The following KDM4C variants were observed in gnomAD, a reference collection of about 807,000 sequenced individuals.
KDM4C encodes lysine-specific demethylase 4C.
Under a neutral mutation model 129.3 loss-of-function variants are expected in KDM4C, and 81 were observed. That is an observed-to-expected ratio of 0.63 (90% CI 0.52 to 0.75). KDM4C has a LOEUF of 0.75. Among genes scored for constraint, KDM4C ranks in the 30% least tolerant of loss-of-function variants. The pLI is 0.00. For synonymous variants in KDM4C, 573 were observed against 456.1 expected, an observed-to-expected ratio of 1.26 and a Z score of -3.26; for missense variants, 1,457 against 1,304.0, an observed-to-expected ratio of 1.12 and a Z score of -1.81.
intron 19 of KDM4C, among the ~76,000 whole-genome samples, chr9:7,137,745 G>C (rs1237580472): frequency 6.6e-6 from 1 of 152,186 alleles, no homozygotes; most frequent in African/African-American, 2.4e-5. Context: ...CTGTTTACAA[G>C]CCATTATCTT....
At chr9:7,113,513 A>G (rs1165356100) in intron 18 of KDM4C, among the ~76,000 whole-genome samples, 3 of 152,118 alleles carry the variant, frequency 2.0e-5, no homozygotes, top group East Asian at 1.9e-4. Flanking sequence ...TGCCATTTCC[A>G]TAGGAAGGGC....
chr9:7,027,206 G>T (rs1825954253), intron 15 of KDM4C, among the ~76,000 whole-genome samples: 1 of 152,148 alleles, frequency 6.6e-6, no homozygotes, highest in African/African-American at 2.4e-5. Context: ...TCCAAGCCTA[G>T]GCTGGTTTTT....
At chr9:6,970,131 C>T (rs532490584) in intron 8 of KDM4C, among the ~76,000 whole-genome samples, 3 of 152,292 alleles carry the variant, frequency 2.0e-5, no homozygotes, top group East Asian at 1.9e-4. Context: ...AGAAAGCATC[C>T]TAACGAAGAG....
At chr9:6,785,773 G>T (rs1425537451) in intron 1 of KDM4C, among the ~76,000 whole-genome samples, 1 of 152,218 alleles carries the variant, frequency 6.6e-6, no homozygotes, top group East Asian at 1.9e-4. Context: ...TGGGGGTTAG[G>T]TTTCAGCGTG....
At chr9:6,977,947 T>G (rs528238870) in intron 8 of KDM4C, among the ~76,000 whole-genome samples, 30 of 152,318 alleles carry the variant, frequency 2.0e-4, no homozygotes, top group African/African-American at 7.0e-4. Flanking sequence ...TTCCACTTTT[T>G]CAGTAAGGCA....
intron 2 of KDM4C, among the ~76,000 whole-genome samples, chr9:6,797,034 G>T (rs1166472216): frequency 6.6e-6 from 1 of 151,700 alleles, no homozygotes; most frequent in Non-Finnish European, 1.5e-5. Context: ...TGTTAGGCTG[G>T]GTGGTGTGAT....
intron 19 of KDM4C, among the ~76,000 whole-genome samples, chr9:7,143,627 C>T (rs1208450142): frequency 6.6e-6 from 1 of 152,156 alleles, no homozygotes; most frequent in Non-Finnish European, 1.5e-5. Context: ...TTTTCATTCT[C>T]CTTGCCTGGG....
At chr9:7,147,009 T>A (rs749471292) in intron 19 of KDM4C, among the ~76,000 whole-genome samples, 12 of 152,252 alleles carry the variant, frequency 7.9e-5, no homozygotes, top group Non-Finnish European at 1.3e-4. Flanking sequence ...GAATTAAATC[T>A]AGATGTGATT....
chr9:6,939,559 T>G (rs928290022), intron 8 of KDM4C, among the ~76,000 whole-genome samples: 1 of 152,170 alleles, frequency 6.6e-6, no homozygotes, highest in African/African-American at 2.4e-5. Flanking sequence ...ACCACTGCCT[T>G]AAAGCATGCT....
intron 17 of KDM4C, among the ~76,000 whole-genome samples, chr9:7,060,647 A>T (rs1317431928): frequency 6.6e-6 from 1 of 151,688 alleles, no homozygotes; most frequent in Non-Finnish European, 1.5e-5. Context: ...ATGCCCAGCT[A>T]ATTTTTGTGT....
intron 15 of KDM4C, among the ~76,000 whole-genome samples, chr9:7,034,843 T>C (rs964851571): frequency 6.6e-6 from 1 of 152,244 alleles, no homozygotes; most frequent in Non-Finnish European, 1.5e-5. Context: ...TATTTGTTAC[T>C]TTTTGTCATT....
At chr9:6,771,267 G>T (rs17508851) in intron 1 of KDM4C, among the ~76,000 whole-genome samples, 34,178 of 150,606 alleles carry the variant, frequency 0.23, 4,325 homozygotes, top group Non-Finnish European at 0.29. Context: ...GAAAGTTTGC[G>T]TATTAAATTG....
intron 1 of KDM4C, among the ~76,000 whole-genome samples, chr9:6,767,748 T>C (rs1308839715): frequency 2.0e-5 from 3 of 152,208 alleles, no homozygotes; most frequent in Non-Finnish European, 4.4e-5. Flanking sequence ...CGTGATCTTC[T>C]GTGCTTGGCC....
intron 12 of KDM4C, among the ~76,000 whole-genome samples, chr9:7,006,411 A>G (rs895137394): frequency 1.3e-5 from 2 of 152,166 alleles, no homozygotes; most frequent in Admixed American, 6.5e-5. Context: ...TGTCTATTTA[A>G]TGATCAATGA....
intron 15 of KDM4C, among the ~76,000 whole-genome samples, chr9:7,021,138 GTGTA>G (rs748777215): frequency 1.1e-3 from 119 of 109,512 alleles, no homozygotes; most frequent in Non-Finnish European, 1.7e-3. Context: ...GTGTGTGTGT[GTGTA>G]TATATATATA....
At chr9:6,816,041 G>C (rs1205784500) in intron 4 of KDM4C, among the ~76,000 whole-genome samples, 1 of 152,026 alleles carries the variant, frequency 6.6e-6, no homozygotes, top group Non-Finnish European at 1.5e-5. Flanking sequence ...AATTTTCCCA[G>C]TAATGTTATA....
chr9:6,831,016 C>T (rs1224838819), intron 4 of KDM4C, among the ~76,000 whole-genome samples: 1 of 152,200 alleles, frequency 6.6e-6, no homozygotes, highest in Non-Finnish European at 1.5e-5. Flanking sequence ...GGCTCAAGTA[C>T]AGCCCATACT....
intron 1 of KDM4C, among the ~76,000 whole-genome samples, chr9:6,727,918 T>G (rs1353265699): frequency 6.6e-6 from 1 of 151,650 alleles, no homozygotes. Flanking sequence ...AGCAAATGGA[T>G]AATGCTGGCC....
chr9:6,821,418 T>A (rs1489055704), intron 4 of KDM4C, among the ~76,000 whole-genome samples: 1 of 152,188 alleles, frequency 6.6e-6, no homozygotes, highest in African/African-American at 2.4e-5. Flanking sequence ...CCATTCTAAC[T>A]GGTGTGAGAT....
Sources: allele counts gnomAD v4.1 joint callset (sites outside exome capture counted in the v4.1 genomes callset), GRCh38; gene constraint gnomAD v4.1.1; transcripts MANE v1.5; gene names NCBI Gene and HGNC (gene_info 2026-07-23, HGNC 2026-07-21).